Variants in PRKN observed in about 807,000 individuals in gnomAD.
PRKN encodes the protein E3 ubiquitin-protein ligase parkin.
PRKN carries 56 observed loss-of-function variants against 59.5 expected under a neutral mutation model. The ratio of observed to expected loss-of-function variants is 0.94; its 90% CI spans 0.76 to 1.18. The LOEUF (loss-of-function observed/expected upper bound fraction) is 1.18, where lower values mean the gene tolerates loss of function less well. PRKN is among the 50% of genes most tolerant of loss of function. PRKN has a pLI of 0.00. For missense variants in PRKN, 657 were observed against 596.4 expected (o/e 1.10, Z -1.06); for synonymous variants, 250 against 222.1 (o/e 1.13, Z -1.12).
At chr6:161,886,821 T>G (rs1388401174) in intron 6 of PRKN, among the ~76,000 whole-genome samples, 1 of 151,926 alleles carries the variant, frequency 6.6e-6, no homozygotes, top group Non-Finnish European at 1.5e-5. Flanking sequence ...TTTTCTTGTT[T>G]CATTTATTTA....
chr6:162,156,144 T>C (rs1274475902), intron 4 of PRKN, among the ~76,000 whole-genome samples: 1 of 152,128 alleles, frequency 6.6e-6, no homozygotes, highest in African/African-American at 2.4e-5. Flanking sequence ...GCCATCATAA[T>C]CAAAACAACT....
intron 4 of PRKN, among the ~76,000 whole-genome samples, chr6:162,067,154 C>A (rs1022497016): frequency 6.6e-6 from 1 of 152,164 alleles, no homozygotes. Flanking sequence ...TAGAAAGAGT[C>A]TGGGTTCCTG....
At chr6:161,829,241 A>G (rs1458638481) in intron 6 of PRKN, among the ~76,000 whole-genome samples, 1 of 152,122 alleles carries the variant, frequency 6.6e-6, no homozygotes, top group East Asian at 1.9e-4. Context: ...AACAAAAACG[A>G]AAACAAAAAC....
intron 1 of PRKN, among the ~76,000 whole-genome samples, chr6:162,584,903 T>C (rs1583855468): frequency 1.1e-5 from 1 of 90,424 alleles, no homozygotes; most frequent in Non-Finnish European, 2.2e-5. Flanking sequence ...TCCCCTCTCC[T>C]CTTCTCTTTT....
Position 161,562,674 on chromosome 6 carries a change from C to T in PRKN, c.933+6681G>A, listed in dbSNP as rs1040083160. On this transcript the variant is annotated intron_variant, in intron 8 of 11. Transcript: ENST00000366898. This position sits in a 1 kb window ranked among gnomAD's most constrained non-coding sequence, Gnocchi z 4.3. Reference sequence around the variant, plus strand: ...CTCAGATCCCATGCCTCTGATCTCACCTGCCCCATTTTGCTCATCTCAGTC... The same window carrying T: ...CTCAGATCCCATGCCTCTGATCTCATCTGCCCCATTTTGCTCATCTCAGTC... 1.3e-5 allele frequency among the ~76,000 whole-genome samples: 2 copies of T among 152,280 alleles called. No homozygotes were observed. Among genetic ancestry groups the T allele is most frequent in the Middle Eastern group, 3.4e-3 (1 of 294 alleles).
rs768564351 is a variant in PRKN, at chr6:161,529,919, G to T, written c.1083+18935C>A. On this transcript the variant is annotated intron_variant, in intron 9 of 11. Coordinates refer to ENST00000366898, the MANE Select transcript of PRKN (RefSeq NM_004562.3). This position sits in a 1 kb window ranked among gnomAD's most constrained non-coding sequence, Gnocchi z 4.4. ...TTGAGGGACCAGTTCCTTTTCCACG[G>T]CATATATAATAAAATAACACAGGAA... Among the ~76,000 whole-genome samples, 1 of 151,964 alleles carries T rather than the reference G, an allele frequency of 6.6e-6. No homozygotes were observed. The highest frequency in any genetic ancestry group is 1.5e-5 in the Non-Finnish European group (1 of 68,008).
At chr6:162,696,865 C>CA (rs986487137) in intron 1 of PRKN, among the ~76,000 whole-genome samples, 1 of 152,084 alleles carries the variant, frequency 6.6e-6, no homozygotes, top group Admixed American at 6.6e-5. Flanking sequence ...TTTTAAAAAA[C>CA]AAATTGTTAA....
At chr6:162,188,675 C>T (rs897362124) in intron 4 of PRKN, among the ~76,000 whole-genome samples, 2 of 151,380 alleles carry the variant, frequency 1.3e-5, no homozygotes, top group Admixed American at 1.3e-4. Flanking sequence ...CTTTTTAATG[C>T]TTGAATCGTA....
At chr6:161,946,754 C>T (rs963708905) in intron 6 of PRKN, among the ~76,000 whole-genome samples, 1 of 152,070 alleles carries the variant, frequency 6.6e-6, no homozygotes, top group Non-Finnish European at 1.5e-5. Context: ...TGCTGTTAAT[C>T]CCAACATTTG....
chr6:161,366,229 C>T (rs1247346254), intron 10 of PRKN, among the ~76,000 whole-genome samples: 1 of 152,132 alleles, frequency 6.6e-6, no homozygotes, highest in Non-Finnish European at 1.5e-5. Flanking sequence ...GAGAGACCTC[C>T]CCAGATCTAG....
intron 7 of PRKN, among the ~76,000 whole-genome samples, chr6:161,765,935 T>C (rs939637234): frequency 3.3e-5 from 5 of 152,220 alleles, no homozygotes; most frequent in Non-Finnish European, 7.3e-5. Context: ...ATGCTTTGAA[T>C]TGTTTTTGAA....
intron 1 of PRKN, among the ~76,000 whole-genome samples, chr6:162,725,998 G>A (rs567938953): frequency 6.6e-6 from 1 of 152,226 alleles, no homozygotes; most frequent in Non-Finnish European, 1.5e-5. Context: ...TATTCTCCAT[G>A]TCATTACCAG....
intron 1 of PRKN, among the ~76,000 whole-genome samples, chr6:162,562,374 C>T (rs2128206467): frequency 6.6e-6 from 1 of 152,166 alleles, no homozygotes; most frequent in Non-Finnish European, 1.5e-5. Flanking sequence ...TACTGGGGTC[C>T]AAAATGCCAA....
chr6:162,512,574 C>A (rs972662324), intron 1 of PRKN, among the ~76,000 whole-genome samples: 1 of 152,136 alleles, frequency 6.6e-6, no homozygotes, highest in Admixed American at 6.6e-5. Flanking sequence ...TACCTAGTGT[C>A]CGTCATAGGT....
chr6:161,606,844 C>T (rs1230751247), intron 7 of PRKN, among the ~76,000 whole-genome samples: 1 of 152,192 alleles, frequency 6.6e-6, no homozygotes, highest in Non-Finnish European at 1.5e-5. Flanking sequence ...ATCCCACCCC[C>T]CAGCCTATGA....
intron 2 of PRKN, among the ~76,000 whole-genome samples, chr6:162,286,708 C>G (rs1342087674): frequency 1.3e-5 from 2 of 152,182 alleles, no homozygotes; most frequent in Non-Finnish European, 2.9e-5. Context: ...AAGTACCTAG[C>G]AGTGAGGGTT....
intron 4 of PRKN, among the ~76,000 whole-genome samples, chr6:162,061,663 GGT>G (rs1411925428): frequency 6.6e-6 from 1 of 152,052 alleles, no homozygotes; most frequent in Non-Finnish European, 1.5e-5. Context: ...ACAGTGCCGT[GGT>G]TAGAGCAGCA....
chr6:162,471,096 T>TTTTA (rs202132166), intron 1 of PRKN, among the ~76,000 whole-genome samples: 11 of 98,732 alleles, frequency 1.1e-4, no homozygotes, highest in Non-Finnish European at 2.0e-4. Context: ...TTATTTTCAT[T>TTTTA]TTTATTTATT....
At chr6:161,907,862 G>A (rs1229302205) in intron 6 of PRKN, among the ~76,000 whole-genome samples, 3 of 152,114 alleles carry the variant, frequency 2.0e-5, no homozygotes, top group South Asian at 4.1e-4. Flanking sequence ...TGGATCACCT[G>A]AAGTCAGGAG....
Sources: gnomAD v4.1 joint callset for allele counts (sites outside exome capture counted in the v4.1 genomes callset) on GRCh38, gnomAD v4.1.1 for gene constraint, Gnocchi (gnomAD v3.1) non-coding constraint, MANE v1.5 for transcripts, NCBI Gene and HGNC (gene_info 2026-07-23, HGNC 2026-07-21) for gene names.